The following DLGAP1 variants were observed in gnomAD, a reference collection of about 807,000 sequenced individuals.
DLGAP1 encodes the protein DLG associated protein 1, also known as disks large-associated protein 1.
Under a neutral mutation model 90.8 loss-of-function variants are expected in DLGAP1, and 11 were observed. That is an observed-to-expected ratio of 0.12 (90% confidence interval 0.08 to 0.20). The LOEUF (loss-of-function observed/expected upper bound fraction) is 0.20, where lower values mean the gene tolerates loss of function less well. Among genes scored for constraint, DLGAP1 ranks in the 10% least tolerant of loss-of-function variants. The pLI, the probability that DLGAP1 is intolerant of heterozygous loss-of-function variation, is 1.00. For synonymous variants in DLGAP1, 558 were observed against 540.7 expected, an observed-to-expected ratio of 1.03 and a Z score of -0.44; for missense variants, 1,050 against 1,333.8, an observed-to-expected ratio of 0.79 and a Z score of 3.31.
chr18:4,201,585 G>A (rs953989962), intron 1 of DLGAP1, among the ~76,000 whole-genome samples: 1 of 151,808 alleles, frequency 6.6e-6, no homozygotes, highest in Non-Finnish European at 1.5e-5. Flanking sequence ...TTTTTGCTTA[G>A]GATTGCTTTG....
At chr18:3,718,369 T>C (rs1598444290) in intron 7 of DLGAP1, among the ~76,000 whole-genome samples, 1 of 152,172 alleles carries the variant, frequency 6.6e-6, no homozygotes, top group East Asian at 2.0e-4. Context: ...AGTGGCTCAG[T>C]GTAACTTTGA....
rs2051818096 is a variant in DLGAP1, at chr18:3,528,944, A to T, written c.2479+5250T>A. ...GACAGGACACACAAGGTTCATCTGGACTAGCCACCTGTCCCACACGGAAGT... is the reference window on the plus strand; with the variant it reads ...GACAGGACACACAAGGTTCATCTGGTCTAGCCACCTGTCCCACACGGAAGT... On this transcript the variant is annotated intron_variant, in intron 10 of 12. Transcript: ENST00000315677. Among the ~76,000 whole-genome samples, 5 of 152,206 alleles carry T rather than the reference A, an allele frequency of 3.3e-5. No homozygotes were observed. The South Asian group carries it at 1.0e-3, about 32-fold the overall frequency.
intron 2 of DLGAP1, among the ~76,000 whole-genome samples, chr18:4,058,761 A>G (rs887770292): frequency 6.6e-6 from 1 of 152,124 alleles, no homozygotes; most frequent in Non-Finnish European, 1.5e-5. Context: ...GCCCTTTTCA[A>G]TATGCCTTGA....
At chr18:3,898,020 T>A (rs2071688115) in intron 3 of DLGAP1, among the ~76,000 whole-genome samples, 1 of 151,938 alleles carries the variant, frequency 6.6e-6, no homozygotes, top group East Asian at 1.9e-4. Context: ...GGTCTCGATC[T>A]CCTGACCTCG....
chr18:4,094,093 A>G (rs1192126945), intron 2 of DLGAP1, among the ~76,000 whole-genome samples: 1 of 152,120 alleles, frequency 6.6e-6, no homozygotes, highest in African/African-American at 2.4e-5. Context: ...TCCTTTATGA[A>G]TCAACCCAGC....
intron 7 of DLGAP1, among the ~76,000 whole-genome samples, chr18:3,697,139 C>T (rs1278745256): frequency 6.6e-6 from 1 of 152,086 alleles, no homozygotes; most frequent in Admixed American, 6.5e-5. Context: ...TTTCAAAAAA[C>T]CAGCTCCTGG....
rs183785212 is a variant in DLGAP1 at position 4,281,175 on chromosome 18, T to C, written c.-266-129888A>G. ...TTTACGTCAATGATCTGAACGTAGC[T>C]GCTTTTGGGATATGTTTGAGAAAAG... On this transcript the variant is annotated intron_variant, in intron 1 of 12. Coordinates refer to ENST00000315677, the MANE Select transcript of DLGAP1 (RefSeq NM_004746.4). 3.0e-3 allele frequency among the ~76,000 whole-genome samples: 452 copies of C among 152,322 alleles called. 2 individuals are homozygous for C. Among genetic ancestry groups the C allele is most frequent in the African/African-American group, 1.0e-2 (414 of 41,568 alleles).
At chr18:3,752,679 G>A (rs577012011) in intron 5 of DLGAP1, among the ~76,000 whole-genome samples, 3 of 128,492 alleles carry the variant, frequency 2.3e-5, no homozygotes, top group African/African-American at 6.1e-5. Flanking sequence ...TTCTCACTCT[G>A]CTGCCCAGGC....
chr18:4,193,005 T>C (rs1351308237), intron 1 of DLGAP1, among the ~76,000 whole-genome samples: 1 of 152,248 alleles, frequency 6.6e-6, no homozygotes, highest in Non-Finnish European at 1.5e-5. Flanking sequence ...ATATAGTAGA[T>C]TTTCATACCT....
At chr18:3,802,034 G>T (rs1435075336) in intron 5 of DLGAP1, among the ~76,000 whole-genome samples, 2 of 150,846 alleles carry the variant, frequency 1.3e-5, no homozygotes, top group Non-Finnish European at 2.9e-5. Flanking sequence ...ACCCAGGCTG[G>T]AGTGCAGTGG....
rs191786824 is a variant in DLGAP1 at position 3,810,204 on chromosome 18, A to G, written c.1172+3855T>C. ...CAGGAGGGGTTTTGCTGGCCCAAAG[A>G]TGGACTTCATTGTCTCAAAACTACT... On this transcript the variant is annotated intron_variant, in intron 5 of 12. Transcript: ENST00000315677. Among the ~76,000 whole-genome samples, 17 of 152,268 alleles carry G rather than the reference A, an allele frequency of 1.1e-4. 1 individual carries two copies. The highest frequency in any genetic ancestry group is 1.0e-3 in the Admixed American group (16 of 15,286).
chr18:4,394,251 C>A (rs964087215), intron 1 of DLGAP1, among the ~76,000 whole-genome samples: 1 of 152,108 alleles, frequency 6.6e-6, no homozygotes, highest in African/African-American at 2.4e-5. Flanking sequence ...CTAGATGACA[C>A]GGATTTCGCT....
chr18:3,679,941 C>G (rs930492120), intron 7 of DLGAP1: 1 of 151,698 alleles, frequency 6.6e-6, no homozygotes, highest in Non-Finnish European at 1.5e-5. Flanking sequence ...CCACTTCAGC[C>G]TCCCAAAGTG....
At chr18:3,905,708 G>A (rs2071891298) in intron 3 of DLGAP1, among the ~76,000 whole-genome samples, 1 of 152,152 alleles carries the variant, frequency 6.6e-6, no homozygotes, top group Non-Finnish European at 1.5e-5. Context: ...AACTAGAAAA[G>A]GACCATAAAA....
At chr18:3,595,904 T>C (rs2056548471) in intron 7 of DLGAP1, among the ~76,000 whole-genome samples, 1 of 152,232 alleles carries the variant, frequency 6.6e-6, no homozygotes, top group African/African-American at 2.4e-5. Flanking sequence ...TAGGGACTTT[T>C]TTCAACATTT....
At chr18:3,692,884 T>C (rs1191816415) in intron 7 of DLGAP1, among the ~76,000 whole-genome samples, 1 of 152,186 alleles carries the variant, frequency 6.6e-6, no homozygotes, top group Admixed American at 6.5e-5. Context: ...AACACAGAGC[T>C]GGGACCTAGG....
intron 7 of DLGAP1, among the ~76,000 whole-genome samples, chr18:3,634,107 A>G (rs2058612367): frequency 6.6e-6 from 1 of 152,168 alleles, no homozygotes; most frequent in African/African-American, 2.4e-5. Flanking sequence ...AATTTTGGAC[A>G]ATGTGGCTGG....
intron 1 of DLGAP1, among the ~76,000 whole-genome samples, chr18:4,398,581 G>A (rs2082486359): frequency 6.6e-6 from 1 of 152,184 alleles, no homozygotes; most frequent in African/African-American, 2.4e-5. Context: ...GATGGAAGAT[G>A]ATTGCGGGGG....
At chr18:3,971,884 T>C (rs1311862142) in intron 3 of DLGAP1, among the ~76,000 whole-genome samples, 1 of 152,176 alleles carries the variant, frequency 6.6e-6, no homozygotes, top group Non-Finnish European at 1.5e-5. Context: ...TTAGTGAATA[T>C]TGAGGGACAA....
Sources: allele counts gnomAD v4.1 joint callset (sites outside exome capture counted in the v4.1 genomes callset), GRCh38; gene constraint gnomAD v4.1.1; transcripts MANE v1.5; gene names NCBI Gene and HGNC (gene_info 2026-07-23, HGNC 2026-07-21).